Variants in FBXL13 observed in about 807,000 individuals in gnomAD.
The protein encoded by FBXL13 is F-box and leucine rich repeat protein 13.
Under a neutral mutation model 83.6 loss-of-function variants are expected in FBXL13, and 67 were observed. The ratio of observed to expected loss-of-function variants is 0.80; its 90% CI spans 0.66 to 0.98. FBXL13 has a LOEUF of 0.98. Ranked by LOEUF, FBXL13 falls within the 50% of genes least tolerant of loss-of-function variation. The pLI, the probability that FBXL13 is intolerant of heterozygous loss-of-function variation, is 0.00. For synonymous variants in FBXL13, 272 were observed against 299.5 expected, an observed-to-expected ratio of 0.91 and a Z score of 0.95; for missense variants, 822 against 866.5, an observed-to-expected ratio of 0.95 and a Z score of 0.64.
intron 8 of FBXL13, among the ~76,000 whole-genome samples, chr7:102,961,734 G>GA (rs1478991949): frequency 6.9e-6 from 1 of 145,332 alleles, no homozygotes; most frequent in African/African-American, 2.6e-5. Flanking sequence ...AAGCAATGGG[G>GA]AAAGGATTCC....
At chr7:102,811,458 T>G (rs1229556719), downstream of FBXL13, among the ~76,000 whole-genome samples, 1 of 152,246 alleles carries the variant, frequency 6.6e-6, no homozygotes, top group African/African-American at 2.4e-5. Flanking sequence ...ACTCCTTTTC[T>G]TCATTTATGT....
In FBXL13 at chr7:102,966,976, T is replaced by C. The variant is rs564947284; in HGVS notation, c.591+1046A>G. On this transcript the variant is annotated intron_variant, in intron 7 of 19. Coordinates refer to ENST00000313221, the Ensembl canonical transcript of FBXL13. ...TCCTTGTAATCCTGTTTTGGTTTTTTTGTTTTTTTTTTGAGATGGAGTCTC... is the reference window on the plus strand; with the variant it reads ...TCCTTGTAATCCTGTTTTGGTTTTTCTGTTTTTTTTTTGAGATGGAGTCTC... Among the ~76,000 whole-genome samples the C allele has an allele frequency of 5.9e-5, 9 of 152,192 alleles. No individual in the cohort carries two copies. In the South Asian group the frequency reaches 1.9e-3, roughly 32 times the overall value.
chr7:102,973,900 C>A, intron 6 of FBXL13: 1 of 671,134 alleles, frequency 1.5e-6, no homozygotes, highest in Admixed American at 2.6e-5. Context: ...ATCATCTGGT[C>A]TTAGGGGGAC....
chr7:103,006,821 TTAAAA>T (rs1337671747), intron 6 of FBXL13, among the ~76,000 whole-genome samples: 4 of 151,950 alleles, frequency 2.6e-5, no homozygotes. Flanking sequence ...AACAGATTCT[TTAAAA>T]TAGCTATTAT....
intron 6 of FBXL13, among the ~76,000 whole-genome samples, chr7:103,021,549 C>T (rs1793174425): frequency 6.6e-6 from 1 of 152,084 alleles, no homozygotes; most frequent in Non-Finnish European, 1.5e-5. Flanking sequence ...AACAGGCAAC[C>T]TACAGAATGG....
chr7:102,813,289 G>A (rs981329403), exon 20 of FBXL13: 43 of 1,510,236 alleles, frequency 2.8e-5, no homozygotes, highest in Non-Finnish European at 3.9e-5. Context: ...GCAACAAATG[G>A]AGAAAACTTG....
chr7:102,997,325 G>C (rs1457686660), intron 6 of FBXL13, among the ~76,000 whole-genome samples: 1 of 152,118 alleles, frequency 6.6e-6, no homozygotes, highest in African/African-American at 2.4e-5. Context: ...TATTTTGAGG[G>C]TACACGTGAT....
chr7:102,835,153 T>C (rs1801649442), intron 17 of FBXL13, among the ~76,000 whole-genome samples: 1 of 152,216 alleles, frequency 6.6e-6, no homozygotes, highest in Admixed American at 6.5e-5. Context: ...CATTCTTTGA[T>C]CTCATGCAGA....
chr7:102,976,321 A>C, intron 6 of FBXL13: 1 of 633,962 alleles, frequency 1.6e-6, no homozygotes, highest in Non-Finnish European at 2.8e-6. Context: ...CCAAGTCTCT[A>C]TTGTGGAAAT....
At chr7:102,934,544 T>C (rs1392062907) in intron 8 of FBXL13, 1 of 1,535,162 alleles carries the variant, frequency 6.5e-7, no homozygotes, top group Non-Finnish European at 8.8e-7. Context: ...ATCTGAACAG[T>C]TGTGTAATGA....
intron 16 of FBXL13, among the ~76,000 whole-genome samples, chr7:102,870,068 A>G (rs111277375): frequency 3.3e-5 from 5 of 152,220 alleles, no homozygotes; most frequent in African/African-American, 1.2e-4. Flanking sequence ...AGATAGCCTT[A>G]TAACACATAC....
chr7:102,893,824 GAGA>G (rs1811862970), intron 11 of FBXL13, among the ~76,000 whole-genome samples: 1 of 148,556 alleles, frequency 6.7e-6, no homozygotes, highest in East Asian at 2.0e-4. Flanking sequence ...GGGGGAGGGG[GAGA>G]AGAAGGGGAA....
chr7:102,966,339 G>A (rs1227158915), intron 7 of FBXL13, among the ~76,000 whole-genome samples: 1 of 152,132 alleles, frequency 6.6e-6, no homozygotes, highest in Non-Finnish European at 1.5e-5. Flanking sequence ...TTCCAACAAG[G>A]TATTGGGTGA....
intron 16 of FBXL13, among the ~76,000 whole-genome samples, chr7:102,860,695 G>A (rs1360150607): frequency 6.6e-6 from 1 of 152,086 alleles, no homozygotes; most frequent in Non-Finnish European, 1.5e-5. Flanking sequence ...GTGTGTGTGT[G>A]TGGTGTGTAC....
chr7:102,811,678 C>T (rs1352872349), downstream of FBXL13, among the ~76,000 whole-genome samples: 5 of 152,180 alleles, frequency 3.3e-5, no homozygotes, highest in Admixed American at 6.5e-5. Flanking sequence ...ATAAGTTCCA[C>T]CAGTTGTGTG....
At chr7:103,014,015 C>T (rs2129486780) in intron 6 of FBXL13, among the ~76,000 whole-genome samples, 1 of 152,188 alleles carries the variant, frequency 6.6e-6, no homozygotes, top group Admixed American at 6.5e-5. Context: ...CACTTCTATA[C>T]ACACAAGTTA....
chr7:102,870,566 G>T (rs553877460), intron 16 of FBXL13, among the ~76,000 whole-genome samples: 3 of 152,076 alleles, frequency 2.0e-5, no homozygotes, highest in African/African-American at 4.8e-5. Flanking sequence ...CATGAAGAAC[G>T]GAAGGAGTCG....
At chr7:102,934,042 C>G (rs1233735469) in intron 8 of FBXL13, 2 of 1,613,966 alleles carry the variant, frequency 1.2e-6, no homozygotes, top group East Asian at 2.2e-5. Flanking sequence ...GAGGCTCCAA[C>G]CCGGTCAAAC....
chr7:102,820,759 TC>T (rs1798695185), intron 19 of FBXL13, among the ~76,000 whole-genome samples: 1 of 152,188 alleles, frequency 6.6e-6, no homozygotes, highest in Non-Finnish European at 1.5e-5. Flanking sequence ...AGGAACCCAC[TC>T]CCATGATAAC....
Sources: gnomAD v4.1 joint callset for allele counts (sites outside exome capture counted in the v4.1 genomes callset) on GRCh38, gnomAD v4.1.1 for gene constraint, MANE v1.5 for transcripts, NCBI Gene and HGNC (gene_info 2026-07-23, HGNC 2026-07-21) for gene names.